The following LIX1 variants were observed in gnomAD, a reference collection of about 807,000 sequenced individuals.
LIX1 encodes the protein limb and CNS expressed 1.
A neutral mutation model predicts 33.4 loss-of-function variants in LIX1; 24 were observed. That is an observed-to-expected ratio of 0.72 (90% CI 0.52 to 1.01). LIX1 has a LOEUF of 1.01. Among genes scored for constraint, LIX1 ranks in the 50% least tolerant of loss-of-function variants. The pLI, the probability that LIX1 is intolerant of heterozygous loss-of-function variation, is 0.00. For missense variants in LIX1, 311 were observed against 339.2 expected (o/e 0.92, Z 0.65); for synonymous variants, 124 against 124.0 (o/e 1.00, Z 0.00).
chr5:97,115,521 C>T (rs141156875), intron 2 of LIX1, among the ~76,000 whole-genome samples: 91 of 152,236 alleles, frequency 6.0e-4, no homozygotes, highest in African/African-American at 2.1e-3. Flanking sequence ...TTTTACTGTA[C>T]TTACATCCCA....
chr5:97,124,747 G>T, intron 1 of LIX1, 118 bp from the exon 2 acceptor site: 1 of 705,190 alleles, frequency 1.4e-6, no homozygotes. Context: ...AGTAGAGCTG[G>T]GTATGTGGAT....
intron 1 of LIX1, 73 bp from the exon 2 acceptor site, chr5:97,124,702 C>A (rs1747873511): frequency 7.5e-7 from 1 of 1,328,992 alleles, no homozygotes. Context: ...ATTTTATTTG[C>A]AAGCTGGATT....
chr5:97,142,592 G>T lies in LIX1; in HGVS notation c.-16C>A. 1.2e-6 allele frequency: 2 copies of T among 1,606,668 alleles called. No individual in the cohort carries two copies. Among genetic ancestry groups the T allele is most frequent in the Non-Finnish European group, 1.7e-6 (2 of 1,173,282 alleles). Reference sequence around the variant, plus strand: ...TTCTGTCCATCTTGGGTCTGCCTGTGTGAGCCTCCTGTACAGAGTGTCCTC... The same window carrying T: ...TTCTGTCCATCTTGGGTCTGCCTGTTTGAGCCTCCTGTACAGAGTGTCCTC... On this transcript the variant is annotated 5_prime_UTR_variant, in exon 1 of 6. Coordinates refer to ENST00000274382, the MANE Select transcript of LIX1 (RefSeq NM_153234.5).
intron 2 of LIX1, among the ~76,000 whole-genome samples, chr5:97,107,818 A>G (rs1047349683): frequency 6.6e-6 from 1 of 152,226 alleles, no homozygotes; most frequent in Admixed American, 6.5e-5. Context: ...GTGCTAGATA[A>G]TTTATATTCA....
chr5:97,132,944 T>C (rs1264506536), intron 1 of LIX1, among the ~76,000 whole-genome samples: 1 of 152,194 alleles, frequency 6.6e-6, no homozygotes, highest in Non-Finnish European at 1.5e-5. Flanking sequence ...ACATCAGTAA[T>C]TGGACACCCA....
chr5:97,094,563 A>C lies in LIX1; in HGVS notation c.*185T>G. 1 of 560,846 alleles carries C rather than the reference A, an allele frequency of 1.8e-6. No homozygotes were observed. The highest frequency in any genetic ancestry group is 2.6e-5 in the South Asian group (1 of 37,878). The allele number at this position is 560,846 out of a possible 1,614,324, so 34.7% of individuals were successfully genotyped here. A position where few individuals can be genotyped will look rare whatever the true frequency, so the allele number is the denominator to read the frequency against. On this transcript the variant is annotated 3_prime_UTR_variant, in exon 6 of 6. Coordinates refer to ENST00000274382, the MANE Select transcript of LIX1 (RefSeq NM_153234.5). ...GAGAATGTGATAGAAAAATGCATCGAGTGGCTTGTTGGGTCTTGTAAGGGT... is the reference window on the plus strand; with the variant it reads ...GAGAATGTGATAGAAAAATGCATCGCGTGGCTTGTTGGGTCTTGTAAGGGT...
chr5:97,139,166 C>A (rs1176203762), intron 1 of LIX1, among the ~76,000 whole-genome samples: 4 of 152,210 alleles, frequency 2.6e-5, no homozygotes, highest in African/African-American at 9.6e-5. Flanking sequence ...TTGGGCACGT[C>A]ATTTTAACCT....
In LIX1 at chr5:97,142,550, T is replaced by C. The variant is rs199637557; in HGVS notation, c.27A>G (p.Arg9=). The change falls in exon 1 of 6, where the codon AGA becomes AGG. Residue 9 remains arginine, a synonymous_variant. Transcript: ENST00000274382. ...GAGGCAAGACTTGGGCAATGATGTG[T>C]CTCAGAGATTCCAAGGTTCTGTCCA... The part of the protein sequence containing the change: MDRTLESL[R]HIIAQVLPHR... 9 of 1,614,072 alleles carry C rather than the reference T, an allele frequency of 5.6e-6. No individual in the cohort carries two copies. The highest frequency in any genetic ancestry group is 5.0e-5 in the Admixed American group (3 of 60,028).
At chr5:97,108,509 C>T (rs1373886617) in intron 2 of LIX1, among the ~76,000 whole-genome samples, 6 of 152,168 alleles carry the variant, frequency 3.9e-5, no homozygotes, top group Admixed American at 3.9e-4. Flanking sequence ...TCTGGTTTGG[C>T]ATCGTTCCTG....
At chr5:97,109,296 C>T (rs1374079771) in intron 2 of LIX1, among the ~76,000 whole-genome samples, 2 of 152,184 alleles carry the variant, frequency 1.3e-5, no homozygotes, top group East Asian at 3.9e-4. Flanking sequence ...TCCTGTCACC[C>T]AGGCTGGAGT....
At chr5:97,124,971 TA>T (rs2112789237) in intron 1 of LIX1, among the ~76,000 whole-genome samples, 1 of 152,278 alleles carries the variant, frequency 6.6e-6, no homozygotes, top group Non-Finnish European at 1.5e-5. Context: ...ATATAAAAAT[TA>T]AAAATCTCAT....
intron 2 of LIX1, among the ~76,000 whole-genome samples, chr5:97,119,294 G>A (rs1006276847): frequency 1.3e-5 from 2 of 152,172 alleles, no homozygotes; most frequent in African/African-American, 4.8e-5. Flanking sequence ...AATGCACAGG[G>A]GTGACATTTG....
At position 97,094,612 on chromosome 5, in the gene LIX1, A is replaced by G. The variant is rs767906041; in HGVS notation, c.*136T>C. The G allele has an allele frequency of 3.3e-5, 25 of 752,644 alleles. No homozygotes were observed. The highest frequency in any genetic ancestry group is 4.1e-5 in the Non-Finnish European group (19 of 467,636). The allele number at this position is 752,644 out of a possible 1,614,324, so 46.6% of individuals were successfully genotyped here. On this transcript the variant is annotated 3_prime_UTR_variant, in exon 6 of 6. Coordinates refer to ENST00000274382, the MANE Select transcript of LIX1 (RefSeq NM_153234.5). Reference sequence around the variant, plus strand: ...GTCCTACGACTCTCATACTCTGTAAATGGAATGTGTGGAGAGGGTTAGGAG... The same window carrying G: ...GTCCTACGACTCTCATACTCTGTAAGTGGAATGTGTGGAGAGGGTTAGGAG...
chr5:97,138,402 G>T (rs1338356082), intron 1 of LIX1, among the ~76,000 whole-genome samples: 1 of 152,120 alleles, frequency 6.6e-6, no homozygotes, highest in Non-Finnish European at 1.5e-5. Context: ...GTTGGCAAAT[G>T]GTTTCTTGCT....
At position 97,110,624 on chromosome 5, in the gene LIX1, A is replaced by T. The variant is rs141274085; in HGVS notation, c.247-3124T>A. On this transcript the variant is annotated intron_variant, in intron 2 of 5. Coordinates refer to ENST00000274382, the MANE Select transcript of LIX1 (RefSeq NM_153234.5). Reference sequence around the variant, plus strand: ...TACGCCTGGCTGATTTTGTATGTTTAGTAGAGATGGGGTTTCTCCATGTTG... The same window carrying T: ...TACGCCTGGCTGATTTTGTATGTTTTGTAGAGATGGGGTTTCTCCATGTTG... Among the ~76,000 whole-genome samples the T allele has an allele frequency of 3.6e-3, 555 of 152,100 alleles. 2 individuals are homozygous for T. The highest frequency in any genetic ancestry group is 0.013 in the African/African-American group (534 of 41,476).
At chr5:97,135,625 A>T (rs952731488) in intron 1 of LIX1, among the ~76,000 whole-genome samples, 3 of 152,020 alleles carry the variant, frequency 2.0e-5, no homozygotes, top group Admixed American at 2.0e-4. Flanking sequence ...TTGAGACCAG[A>T]CTGGCCAACA....
At chr5:97,139,196 C>T (rs1037108635) in intron 1 of LIX1, among the ~76,000 whole-genome samples, 1 of 152,172 alleles carries the variant, frequency 6.6e-6, no homozygotes, top group Non-Finnish European at 1.5e-5. Flanking sequence ...TCAGTTTCCT[C>T]ACCTCTAACA....
chr5:97,124,182 C>T (rs1451377152), intron 2 of LIX1, among the ~76,000 whole-genome samples: 3 of 152,066 alleles, frequency 2.0e-5, no homozygotes, highest in African/African-American at 7.2e-5. Context: ...TTTTAGTTGA[C>T]AAACTAAGAA....
At chr5:97,117,408 G>A (rs945632972) in intron 2 of LIX1, among the ~76,000 whole-genome samples, 1 of 152,216 alleles carries the variant, frequency 6.6e-6, no homozygotes, top group Non-Finnish European at 1.5e-5. Context: ...TTTGGGATGT[G>A]GAATGTCAAG....
Sources: allele counts gnomAD v4.1 joint callset (sites outside exome capture counted in the v4.1 genomes callset), GRCh38; gene constraint gnomAD v4.1.1; transcripts MANE v1.5; gene names NCBI Gene and HGNC (gene_info 2026-07-23, HGNC 2026-07-21).